Variants in CSMD1 observed in about 807,000 individuals in gnomAD.
CSMD1 encodes CUB and Sushi multiple domains 1.
A neutral mutation model predicts 417.5 loss-of-function variants in CSMD1; 213 were observed. The observed-to-expected ratio is 0.51, with a 90% CI of 0.46 to 0.57. CSMD1 has a LOEUF of 0.57. Ranked by LOEUF, CSMD1 falls within the 20% of genes least tolerant of loss-of-function variation. The pLI, the probability that CSMD1 is intolerant of heterozygous loss-of-function variation, is 0.00. For synonymous variants in CSMD1, 2,862 were observed against 1,736.8 expected (o/e 1.65, Z -16.11); for missense variants, 6,923 against 4,529.7 (o/e 1.53, Z -15.17).
rs1480950063 is a variant in CSMD1, at chr8:4,540,889, TG to T, written c.302+96452del. Reference sequence around the variant, plus strand: ...CAGGAAGTCTGACTCTCCGCCACTCTGCTAGTCTGCTATTTAATTTTATGAG... The same window carrying T: ...CAGGAAGTCTGACTCTCCGCCACTCTCTAGTCTGCTATTTAATTTTATGAG... On this transcript the variant is annotated intron_variant, in intron 2 of 69. Coordinates refer to ENST00000635120, the MANE Select transcript of CSMD1 (RefSeq NM_033225.6). Among the ~76,000 whole-genome samples, 19 of 152,294 alleles carry T rather than the reference TG, an allele frequency of 1.2e-4. No individual in the cohort carries two copies. The East Asian group carries it at 3.5e-3, about 28-fold the overall frequency.
intron 2 of CSMD1, among the ~76,000 whole-genome samples, chr8:4,523,542 C>G (rs1016331832): frequency 6.6e-6 from 1 of 152,126 alleles, no homozygotes. Context: ...CACACACTCA[C>G]ACACATGCAG....
At chr8:4,950,965 A>C (rs1231169291) in intron 1 of CSMD1, among the ~76,000 whole-genome samples, 1 of 135,524 alleles carries the variant, frequency 7.4e-6, no homozygotes, top group African/African-American at 2.8e-5. Context: ...CTTGTGGTAA[A>C]AAAAACAAAA....
chr8:3,751,590 T>G (rs1797346358), intron 6 of CSMD1, among the ~76,000 whole-genome samples: 1 of 151,026 alleles, frequency 6.6e-6, no homozygotes, highest in Non-Finnish European at 1.5e-5. Context: ...GTAGTTGTAT[T>G]GTTTATATAA....
Position 4,076,616 on chromosome 8 carries a change from T to G in CSMD1, c.416-44517A>C, listed in dbSNP as rs919297349. 2.6e-5 allele frequency among the ~76,000 whole-genome samples: 4 copies of G among 152,232 alleles called. No individual in the cohort carries two copies. The South Asian group carries it at 8.3e-4, about 32-fold the overall frequency. ...TCCTAAACTTAAAAACATTTGATAGTTGCCTGTTACCTTTATTATAAGGAT... is the reference window on the plus strand; with the variant it reads ...TCCTAAACTTAAAAACATTTGATAGGTGCCTGTTACCTTTATTATAAGGAT... On this transcript the variant is annotated intron_variant, in intron 3 of 69. Transcript: ENST00000635120.
At chr8:4,276,076 A>G (rs1172672674) in intron 3 of CSMD1, among the ~76,000 whole-genome samples, 1 of 152,168 alleles carries the variant, frequency 6.6e-6, no homozygotes, top group African/African-American at 2.4e-5. Flanking sequence ...TTCCTTAAGG[A>G]TCTAGAACTT....
At chr8:3,371,988 G>A (rs1231674018) in intron 18 of CSMD1, among the ~76,000 whole-genome samples, 1 of 152,158 alleles carries the variant, frequency 6.6e-6, no homozygotes, top group Non-Finnish European at 1.5e-5. Flanking sequence ...AATAATAAGA[G>A]AGATAAAATA....
chr8:4,021,331 T>C (rs1272308682), intron 4 of CSMD1, among the ~76,000 whole-genome samples: 1 of 152,236 alleles, frequency 6.6e-6, no homozygotes, highest in African/African-American at 2.4e-5. Context: ...TTAAAGTTTA[T>C]TTCACTTGTT....
At chr8:3,578,487 C>A (rs1778348924) in intron 9 of CSMD1, among the ~76,000 whole-genome samples, 1 of 152,138 alleles carries the variant, frequency 6.6e-6, no homozygotes, top group Admixed American at 6.5e-5. Flanking sequence ...GGATGGCTGC[C>A]ATTATCTTAT....
chr8:4,129,349 T>C (rs911094288), intron 3 of CSMD1, among the ~76,000 whole-genome samples: 21 of 152,128 alleles, frequency 1.4e-4, no homozygotes, highest in Non-Finnish European at 2.6e-4. Flanking sequence ...TTGAACCTTC[T>C]TGAATGCATT....
intron 2 of CSMD1, among the ~76,000 whole-genome samples, chr8:4,561,517 T>C (rs1010837040): frequency 1.3e-5 from 2 of 152,106 alleles, no homozygotes; most frequent in African/African-American, 4.8e-5. Flanking sequence ...ACCCTGTCTC[T>C]ACCAAAACAG....
At chr8:3,186,938 C>T (rs1055675948) in intron 36 of CSMD1, among the ~76,000 whole-genome samples, 8 of 152,298 alleles carry the variant, frequency 5.3e-5, no homozygotes, top group African/African-American at 1.2e-4. Flanking sequence ...GACAGGGTTT[C>T]GCCATGTTGG....
chr8:4,521,667 C>T (rs553620890), intron 2 of CSMD1, among the ~76,000 whole-genome samples: 20 of 152,210 alleles, frequency 1.3e-4, no homozygotes, highest in Admixed American at 3.3e-4. Flanking sequence ...GGTCCTATTG[C>T]GAAGAAAAGT....
At position 3,230,108 on chromosome 8, in the gene CSMD1, T is replaced by C. The variant is rs766643972; in HGVS notation, c.4277A>G (p.Gln1426Arg). The C allele has an allele frequency of 2.5e-6, 4 of 1,613,700 alleles. No homozygotes were observed. Among genetic ancestry groups the C allele is most frequent in the African/African-American group, 2.7e-5 (2 of 75,046 alleles). ...QCDPGYQLQG[Q>R]AKITCVQLNN... Reference sequence around the variant, plus strand: ...CAGCTGCACACAGGTGATTTTGGCTTGTCCTTGGAGCTGATAGCCAGGGTC... The same window carrying C: ...CAGCTGCACACAGGTGATTTTGGCTCGTCCTTGGAGCTGATAGCCAGGGTC... Residue 1426 changes from glutamine (Q) to arginine (R), a missense_variant, in exon 27 of 70, where the codon CAA becomes CGA. Gln to Arg is a conservative substitution (Grantham distance 43, BLOSUM62 1). Coordinates refer to ENST00000635120, the MANE Select transcript of CSMD1 (RefSeq NM_033225.6).
chr8:4,197,456 C>G (rs1799404711), intron 3 of CSMD1, among the ~76,000 whole-genome samples: 1 of 152,108 alleles, frequency 6.6e-6, no homozygotes, highest in Admixed American at 6.5e-5. Flanking sequence ...TAGGTGGGCC[C>G]CGTTTCATCA....
chr8:4,239,544 C>A (rs1029995227), intron 3 of CSMD1, among the ~76,000 whole-genome samples: 2 of 152,158 alleles, frequency 1.3e-5, no homozygotes, highest in Non-Finnish European at 2.9e-5. Flanking sequence ...AAAGCAGTTC[C>A]AGCATGTTAT....
chr8:3,999,912 A>G (rs1464164508), intron 4 of CSMD1, among the ~76,000 whole-genome samples: 3 of 152,182 alleles, frequency 2.0e-5, no homozygotes, highest in Non-Finnish European at 2.9e-5. Context: ...CAGGAAACTC[A>G]TTTTTTAGAT....
intron 23 of CSMD1, among the ~76,000 whole-genome samples, chr8:3,330,146 G>C (rs1806797345): frequency 6.6e-6 from 1 of 152,098 alleles, no homozygotes; most frequent in Non-Finnish European, 1.5e-5. Flanking sequence ...TGTCATTCAA[G>C]AGATTTCTCC....
At chr8:3,941,199 T>C (rs1029053773) in intron 5 of CSMD1, among the ~76,000 whole-genome samples, 8 of 152,126 alleles carry the variant, frequency 5.3e-5, no homozygotes, top group Non-Finnish European at 1.2e-4. Context: ...ATTTAAATTG[T>C]GCTAGAGAAC....
chr8:4,372,135 T>C (rs1386167539), intron 3 of CSMD1, among the ~76,000 whole-genome samples: 1 of 152,236 alleles, frequency 6.6e-6, no homozygotes. Context: ...TTAGCATTTT[T>C]CTATGTGCAT....
Sources: gnomAD v4.1 joint callset for allele counts (sites outside exome capture counted in the v4.1 genomes callset) on GRCh38, gnomAD v4.1.1 for gene constraint, MANE v1.5 for transcripts, NCBI Gene and HGNC (gene_info 2026-07-23, HGNC 2026-07-21) for gene names.